The following MRTFA variants were observed in gnomAD, a reference collection of about 807,000 sequenced individuals.
The protein encoded by MRTFA is myocardin related transcription factor A.
A neutral mutation model predicts 83.5 loss-of-function variants in MRTFA; 20 were observed. That is an observed-to-expected ratio of 0.24 (90% CI 0.17 to 0.35). The LOEUF is 0.35. MRTFA is among the 10% of genes least tolerant of loss of function. The pLI is 1.00. For synonymous variants in MRTFA, 659 were observed against 541.2 expected (o/e 1.22, Z -3.02); for missense variants, 1,200 against 1,224.7 (o/e 0.98, Z 0.30).
chr22:40,483,646 C>G (rs1234194202), intron 3 of MRTFA, among the ~76,000 whole-genome samples: 1 of 151,378 alleles, frequency 6.6e-6, no homozygotes, highest in African/African-American at 2.4e-5. Flanking sequence ...GATAGTGCCA[C>G]TGCACTCCAG....
At chr22:40,432,741 G>A (rs1009549125) in intron 5 of MRTFA, among the ~76,000 whole-genome samples, 1 of 151,950 alleles carries the variant, frequency 6.6e-6, no homozygotes, top group Non-Finnish European at 1.5e-5. Context: ...TGTTGTTCTG[G>A]CTGGGCAGCT....
At chr22:40,491,003 A>T (rs1192322388) in intron 3 of MRTFA, among the ~76,000 whole-genome samples, 1 of 152,178 alleles carries the variant, frequency 6.6e-6, no homozygotes, top group African/African-American at 2.4e-5. Context: ...AATAACTCAA[A>T]TGTGTCCATT....
intron 1 of MRTFA, among the ~76,000 whole-genome samples, chr22:40,620,325 T>C (rs921326601): frequency 3.9e-5 from 6 of 151,946 alleles, no homozygotes; most frequent in Non-Finnish European, 8.8e-5. Context: ...GGTTTCTCTA[T>C]GTTGGTCAGG....
intron 3 of MRTFA, among the ~76,000 whole-genome samples, chr22:40,502,184 C>T (rs1448272954): frequency 1.4e-4 from 19 of 140,320 alleles, no homozygotes; most frequent in African/African-American, 3.5e-4. Context: ...CCCTCCCGGA[C>T]GGGGTGGCTG....
At chr22:40,577,531 T>C (rs1051230497) in intron 2 of MRTFA, among the ~76,000 whole-genome samples, 8 of 151,912 alleles carry the variant, frequency 5.3e-5, no homozygotes, top group African/African-American at 1.9e-4. Flanking sequence ...GCACTACCCA[T>C]CTCTGACATG....
At chr22:40,479,735 G>A (rs1569288689) in intron 3 of MRTFA, among the ~76,000 whole-genome samples, 1 of 152,044 alleles carries the variant, frequency 6.6e-6, no homozygotes. Context: ...TGTTCAACCA[G>A]CAAATATATA....
intron 3 of MRTFA, among the ~76,000 whole-genome samples, chr22:40,546,996 A>T (rs758079444): frequency 1.3e-5 from 2 of 152,008 alleles, no homozygotes; most frequent in Non-Finnish European, 2.9e-5. Context: ...TTTACTAAAA[A>T]TACAAAAAAT....
intron 1 of MRTFA, among the ~76,000 whole-genome samples, chr22:40,626,742 G>A (rs1301923510): frequency 3.3e-5 from 5 of 152,132 alleles, no homozygotes; most frequent in Admixed American, 2.6e-4. Flanking sequence ...GCTCATGCCT[G>A]TAGTCCCAAC....
chr22:40,468,286 T>C (rs2053842134), intron 3 of MRTFA, among the ~76,000 whole-genome samples: 1 of 152,214 alleles, frequency 6.6e-6, no homozygotes, highest in South Asian at 2.1e-4. Context: ...ACCGGTCATT[T>C]GTCCTGGATT....
chr22:40,529,784 T>C (rs1236424253), intron 3 of MRTFA, among the ~76,000 whole-genome samples: 1 of 152,198 alleles, frequency 6.6e-6, no homozygotes. Flanking sequence ...TCAAATCTTA[T>C]AATACTTTAT....
intron 3 of MRTFA, among the ~76,000 whole-genome samples, chr22:40,551,819 G>C (rs1434224383): frequency 1.3e-5 from 2 of 151,984 alleles, no homozygotes; most frequent in Non-Finnish European, 2.9e-5. Context: ...CCTAATTTTA[G>C]CATAGTTTAT....
At chr22:40,453,943 G>A (rs2053540886) in intron 4 of MRTFA, among the ~76,000 whole-genome samples, 1 of 152,118 alleles carries the variant, frequency 6.6e-6, no homozygotes, top group African/African-American at 2.4e-5. Flanking sequence ...TCTACTCCCA[G>A]GAAGAGGGCA....
At chr22:40,524,715 T>C (rs1313432621) in intron 3 of MRTFA, among the ~76,000 whole-genome samples, 1 of 150,318 alleles carries the variant, frequency 6.7e-6, no homozygotes, top group Non-Finnish European at 1.5e-5. Context: ...CTAATCATTA[T>C]GCTTCCATCC....
intron 3 of MRTFA, among the ~76,000 whole-genome samples, chr22:40,518,061 ACC>A (rs1291805596): frequency 6.6e-6 from 1 of 151,794 alleles, no homozygotes; most frequent in Non-Finnish European, 1.5e-5. Context: ...GCATCACATA[ACC>A]CCCTCATAGC....
chr22:40,483,621 C>T (rs1308614403), intron 3 of MRTFA, among the ~76,000 whole-genome samples: 1 of 151,266 alleles, frequency 6.6e-6, no homozygotes, highest in Non-Finnish European at 1.5e-5. Flanking sequence ...GGAGGCAGAG[C>T]TGGCAGTGAG....
At chr22:40,413,778 TGCAAAGGACTTG>T (rs2052615751) in intron 14 of MRTFA, among the ~76,000 whole-genome samples, 1 of 152,178 alleles carries the variant, frequency 6.6e-6, no homozygotes, top group Non-Finnish European at 1.5e-5. Flanking sequence ...AAAAAAAATG[TGCAAAGGACTTG>T]GCCATTCTCC....
At chr22:40,510,302 G>A (rs903886095) in intron 3 of MRTFA, among the ~76,000 whole-genome samples, 10 of 151,544 alleles carry the variant, frequency 6.6e-5, no homozygotes, top group African/African-American at 2.2e-4. Context: ...GTGAGAGGCC[G>A]GGAAAACTAA....
chr22:40,595,311 C>T (rs1569344658), intron 1 of MRTFA, among the ~76,000 whole-genome samples: 1 of 151,318 alleles, frequency 6.6e-6, no homozygotes, highest in East Asian at 1.9e-4. Context: ...TTAGTGGAGA[C>T]GGGGTTTCAC....
chr22:40,516,403 G>C (rs917141429), intron 3 of MRTFA, among the ~76,000 whole-genome samples: 1 of 127,794 alleles, frequency 7.8e-6, no homozygotes, highest in African/African-American at 3.0e-5. Flanking sequence ...CTGGGACACA[G>C]AGCGAGGGAC....
Sources: gnomAD v4.1 joint callset for allele counts (sites outside exome capture counted in the v4.1 genomes callset) on GRCh38, gnomAD v4.1.1 for gene constraint, MANE v1.5 for transcripts, NCBI Gene and HGNC (gene_info 2026-07-23, HGNC 2026-07-21) for gene names.